Variants in SEL1L2 observed in about 807,000 individuals in gnomAD.
SEL1L2 encodes protein sel-1 homolog 2.
A neutral mutation model predicts 98.8 loss-of-function variants in SEL1L2; 89 were observed. The ratio of observed to expected loss-of-function variants is 0.90; its 90% CI spans 0.76 to 1.07. The LOEUF is 1.07. Among genes scored for constraint, SEL1L2 ranks in the 50% least tolerant of loss-of-function variants. The pLI is 0.00. For synonymous variants in SEL1L2, 262 were observed against 278.5 expected (o/e 0.94, Z 0.59); for missense variants, 788 against 812.0 (o/e 0.97, Z 0.36).
At chr20:13,898,318 A>G (rs1169038957) in intron 5 of SEL1L2, among the ~76,000 whole-genome samples, 1 of 152,182 alleles carries the variant, frequency 6.6e-6, no homozygotes, top group Non-Finnish European at 1.5e-5. Flanking sequence ...CCCTGGAGAA[A>G]TTAAACCAAG....
chr20:13,882,812 CTT>C (rs759286946), intron 10 of SEL1L2, among the ~76,000 whole-genome samples: 73 of 107,228 alleles, frequency 6.8e-4, no homozygotes, highest in African/African-American at 2.2e-3. Flanking sequence ...GTCAATTTGT[CTT>C]TTTTTTTTTT....
intron 12 of SEL1L2, among the ~76,000 whole-genome samples, chr20:13,871,924 C>T (rs1362704135): frequency 6.6e-6 from 1 of 152,162 alleles, no homozygotes; most frequent in East Asian, 1.9e-4. Context: ...TTACCACCTA[C>T]ATTTAGTTAT....
At chr20:13,858,845 C>A (rs1002877167) in intron 18 of SEL1L2, among the ~76,000 whole-genome samples, 1 of 152,156 alleles carries the variant, frequency 6.6e-6, no homozygotes, top group African/African-American at 2.4e-5. Flanking sequence ...TGGATTAATA[C>A]CACCTTGGTA....
At chr20:13,931,839 A>G in intron 2 of SEL1L2, 68 bp from the exon 3 acceptor site, 1 of 1,311,862 alleles carries the variant, frequency 7.6e-7, no homozygotes, top group Non-Finnish European at 1.0e-6. Context: ...ACAACAGGAA[A>G]GTGAAAATTC....
intron 12 of SEL1L2, among the ~76,000 whole-genome samples, chr20:13,872,712 GATCCC>G (rs1306072851): frequency 6.6e-6 from 1 of 152,034 alleles, no homozygotes. Context: ...GAGTCCCTGG[GATCCC>G]AGGGACTCAG....
intron 5 of SEL1L2, among the ~76,000 whole-genome samples, chr20:13,901,684 C>CG (rs2047689203): frequency 6.9e-6 from 1 of 144,860 alleles, no homozygotes; most frequent in African/African-American, 2.6e-5. Flanking sequence ...TTTTTTGAGA[C>CG]GGAGTCTCAC....
chr20:13,905,527 A>G (rs544442896), intron 5 of SEL1L2, among the ~76,000 whole-genome samples: 31 of 151,848 alleles, frequency 2.0e-4, no homozygotes, highest in East Asian at 1.6e-3. Flanking sequence ...TGTTAGCCAG[A>G]ATGGTCTCGA....
chr20:13,902,717 A>ACG (rs1568934349), intron 5 of SEL1L2, among the ~76,000 whole-genome samples: 2 of 151,830 alleles, frequency 1.3e-5, no homozygotes, highest in East Asian at 1.9e-4. Context: ...TAGAAGAAAA[A>ACG]ACGTCTGGTT....
At chr20:13,888,564 T>A in intron 5 of SEL1L2, 52 bp from the exon 6 acceptor site, 1 of 922,148 alleles carries the variant, frequency 1.1e-6, no homozygotes, top group Non-Finnish European at 1.7e-6. Flanking sequence ...ATTTCCTAAT[T>A]ATCTATATGG....
At chr20:13,854,496 T>C (rs1175502855) in intron 18 of SEL1L2, among the ~76,000 whole-genome samples, 1 of 152,206 alleles carries the variant, frequency 6.6e-6, no homozygotes, top group African/African-American at 2.4e-5. Context: ...AACATACTTA[T>C]GGTACTTTAT....
intron 1 of SEL1L2, among the ~76,000 whole-genome samples, chr20:13,959,453 C>T (rs1004763657): frequency 6.6e-6 from 1 of 152,072 alleles, no homozygotes; most frequent in African/African-American, 2.4e-5. Flanking sequence ...AGAGATGCAC[C>T]GAAAACTGCA....
chr20:13,915,296 CTG>C (rs2148200469), intron 4 of SEL1L2: 1 of 1,240,740 alleles, frequency 8.1e-7, no homozygotes, highest in South Asian at 1.3e-5. Flanking sequence ...AGATAGAAAA[CTG>C]GAGTTCAGGA....
intron 3 of SEL1L2, among the ~76,000 whole-genome samples, chr20:13,923,209 A>G (rs892963597): frequency 6.6e-6 from 1 of 152,230 alleles, no homozygotes; most frequent in Non-Finnish European, 1.5e-5. Flanking sequence ...GGCATTCCAC[A>G]ATTTTTATGT....
chr20:13,874,172 T>C (rs1053187462), intron 12 of SEL1L2, among the ~76,000 whole-genome samples: 1 of 152,160 alleles, frequency 6.6e-6, no homozygotes, highest in African/African-American at 2.4e-5. Context: ...TGGTCCAACA[T>C]GGGCACAACG....
intron 2 of SEL1L2, among the ~76,000 whole-genome samples, chr20:13,950,639 A>T (rs979427964): frequency 6.6e-6 from 1 of 152,218 alleles, no homozygotes; most frequent in African/African-American, 2.4e-5. Flanking sequence ...GGAGGATGGG[A>T]CTATTGGAAG....
chr20:13,918,395 G>T (rs1166228207), intron 4 of SEL1L2, among the ~76,000 whole-genome samples: 2 of 152,158 alleles, frequency 1.3e-5, no homozygotes, highest in South Asian at 4.1e-4. Flanking sequence ...GGAGGGAGAA[G>T]ATATTTCTGC....
At chr20:13,944,256 C>T (rs1455940456) in intron 2 of SEL1L2, among the ~76,000 whole-genome samples, 3 of 152,046 alleles carry the variant, frequency 2.0e-5, no homozygotes, top group African/African-American at 7.2e-5. Context: ...CATGTAAAGC[C>T]CCATGGGACT....
chr20:13,991,977 C>G (rs544937401), upstream of SEL1L2, among the ~76,000 whole-genome samples: 1 of 152,166 alleles, frequency 6.6e-6, no homozygotes, highest in Non-Finnish European at 1.5e-5. Context: ...CACTGCAATG[C>G]AGCCTGAGCG....
At chr20:13,934,068 C>G (rs568447001) in intron 2 of SEL1L2, among the ~76,000 whole-genome samples, 2 of 150,062 alleles carry the variant, frequency 1.3e-5, no homozygotes, top group African/African-American at 4.9e-5. Context: ...GCACCCATCA[C>G]CCGAGCAGTA....
Sources: allele counts gnomAD v4.1 joint callset (sites outside exome capture counted in the v4.1 genomes callset), GRCh38; gene constraint gnomAD v4.1.1; transcripts MANE v1.5; gene names NCBI Gene and HGNC (gene_info 2026-07-23, HGNC 2026-07-21).